ZRANB3: variants seen among roughly 807,000 people sequenced by gnomAD.
ZRANB3 encodes the protein DNA annealing helicase and endonuclease ZRANB3.
Under a neutral mutation model 133.8 loss-of-function variants are expected in ZRANB3, and 125 were observed. The observed-to-expected ratio is 0.93, with a 90% CI of 0.81 to 1.08. The LOEUF (loss-of-function observed/expected upper bound fraction) is 1.08, where lower values mean the gene tolerates loss of function less well. Ranked by LOEUF, ZRANB3 falls within the 50% of genes least tolerant of loss-of-function variation. ZRANB3 has a pLI of 0.00. For missense variants in ZRANB3, 1,229 were observed against 1,275.5 expected (o/e 0.96, Z 0.56); for synonymous variants, 387 against 432.7 (o/e 0.89, Z 1.31).
intron 2 of ZRANB3, among the ~76,000 whole-genome samples, chr2:135,407,033 T>C (rs1323015598): frequency 2.0e-5 from 3 of 152,158 alleles, no homozygotes; most frequent in South Asian, 2.1e-4. Flanking sequence ...AGTCAAATTG[T>C]CCCTGTTTGC....
chr2:135,257,804 T>C (rs1679734209), intron 12 of ZRANB3, among the ~76,000 whole-genome samples: 2 of 152,244 alleles, frequency 1.3e-5, no homozygotes, highest in South Asian at 4.1e-4. Flanking sequence ...GCCCATGATA[T>C]GCTAACTCTA....
chr2:135,234,776 T>C (rs1017694977), intron 12 of ZRANB3, among the ~76,000 whole-genome samples: 11 of 152,132 alleles, frequency 7.2e-5, no homozygotes, highest in Non-Finnish European at 7.4e-5. Context: ...ATCTCTGGGA[T>C]ACATTCAAAG....
chr2:135,504,512 C>G lies in ZRANB3; in HGVS notation c.-7-16G>C, dbSNP rs757139853. The stretch of plus-strand genomic sequence containing the variant: ...CATGATGATCCTAAAAACAAAGAAA[C>G]AACAAAAAAGGGAGGGGTATAAGAA... On this transcript the variant is annotated splice_polypyrimidine_tract_variant and intron_variant, in intron 1 of 20. Transcript: ENST00000264159. 1 of 1,584,874 alleles carries G rather than the reference C, an allele frequency of 6.3e-7. No homozygotes were observed. Among genetic ancestry groups the G allele is most frequent in the African/African-American group, 1.4e-5 (1 of 73,030 alleles).
rs572974071 is a variant in ZRANB3, at chr2:135,476,013, G to A, written c.161+28316C>T. On this transcript the variant is annotated intron_variant, in intron 2 of 20. Coordinates refer to ENST00000264159, the MANE Select transcript of ZRANB3 (RefSeq NM_032143.4). ...GAATCGTTTGAACCCGGGAGGCGGA[G>A]GTTGCAGTGAGCCAAGATTGCACCA... Among the ~76,000 whole-genome samples, 124 of 152,232 alleles carry A rather than the reference G, an allele frequency of 8.1e-4. 1 individual carries two copies. The highest frequency in any genetic ancestry group is 2.6e-3 in the African/African-American group (110 of 41,528).
At chr2:135,469,198 C>T (rs1018915305) in intron 2 of ZRANB3, among the ~76,000 whole-genome samples, 1 of 152,004 alleles carries the variant, frequency 6.6e-6, no homozygotes, top group East Asian at 1.9e-4. Flanking sequence ...GTGTTCAACA[C>T]ATCTTAATTA....
chr2:135,530,533 A>G (rs1694494893), intron 1 of ZRANB3: 1 of 152,278 alleles, frequency 6.6e-6, no homozygotes, highest in Non-Finnish European at 1.5e-5. Flanking sequence ...CACCTGGCGT[A>G]TTCGCCGCAG....
intron 6 of ZRANB3, among the ~76,000 whole-genome samples, chr2:135,333,122 C>A (rs1291949428): frequency 2.6e-5 from 4 of 152,062 alleles, no homozygotes; most frequent in Admixed American, 2.6e-4. Flanking sequence ...ACAATCCTAC[C>A]ACACTAATCT....
intron 6 of ZRANB3, among the ~76,000 whole-genome samples, chr2:135,327,016 A>G (rs1683870192): frequency 6.6e-6 from 1 of 152,108 alleles, no homozygotes; most frequent in Non-Finnish European, 1.5e-5. Context: ...TATGGAGTAG[A>G]AGAGGTAGAT....
intron 2 of ZRANB3, among the ~76,000 whole-genome samples, chr2:135,435,507 C>A (rs1689494234): frequency 6.6e-6 from 1 of 152,048 alleles, no homozygotes; most frequent in African/African-American, 2.4e-5. Context: ...GGGTATATAC[C>A]CAGTAATGGG....
At chr2:135,203,045 T>C in intron 19 of ZRANB3, 82 bp from the exon 20 acceptor site, 1 of 1,497,806 alleles carries the variant, frequency 6.7e-7, no homozygotes, top group Admixed American at 2.0e-5. Flanking sequence ...CAATCATGTA[T>C]GTTTATACAG....
At chr2:135,347,208 T>C (rs1684976191) in intron 5 of ZRANB3, among the ~76,000 whole-genome samples, 1 of 152,236 alleles carries the variant, frequency 6.6e-6, no homozygotes, top group South Asian at 2.1e-4. Context: ...TTTACTTGTT[T>C]CCACTTTTTG....
intron 15 of ZRANB3, among the ~76,000 whole-genome samples, chr2:135,221,771 C>T (rs567453731): frequency 6.6e-6 from 1 of 152,256 alleles, no homozygotes; most frequent in South Asian, 2.1e-4. Context: ...CTCCCTGCAG[C>T]CTGGTTCACC....
intron 2 of ZRANB3, among the ~76,000 whole-genome samples, chr2:135,466,307 C>T (rs1004225680): frequency 3.6e-5 from 5 of 139,842 alleles, no homozygotes; most frequent in Non-Finnish European, 6.1e-5. Flanking sequence ...AGCTTGAACC[C>T]GGGAGTCGGA....
chr2:135,256,561 C>G (rs1679665292), intron 12 of ZRANB3, among the ~76,000 whole-genome samples: 1 of 152,118 alleles, frequency 6.6e-6, no homozygotes. Flanking sequence ...CTCCCAACCT[C>G]AGGTGACCCA....
At chr2:135,415,699 G>A (rs1190822294) in intron 2 of ZRANB3, among the ~76,000 whole-genome samples, 4 of 151,930 alleles carry the variant, frequency 2.6e-5, no homozygotes, top group South Asian at 2.1e-4. Context: ...ATTGATGCAA[G>A]AATCCTCAAT....
At chr2:135,331,805 T>C (rs1422189898) in intron 6 of ZRANB3, among the ~76,000 whole-genome samples, 1 of 152,206 alleles carries the variant, frequency 6.6e-6, no homozygotes, top group African/African-American at 2.4e-5. Flanking sequence ...ATTATAGTAA[T>C]GGTCTTCTTT....
chr2:135,407,930 T>C (rs1688118713), intron 2 of ZRANB3, among the ~76,000 whole-genome samples: 1 of 148,208 alleles, frequency 6.7e-6, no homozygotes, highest in Non-Finnish European at 1.5e-5. Flanking sequence ...ACTTCATGTC[T>C]AAAACACCAA....
chr2:135,245,037 TA>T (rs1211491866), intron 12 of ZRANB3, among the ~76,000 whole-genome samples: 1 of 152,226 alleles, frequency 6.6e-6, no homozygotes, highest in Non-Finnish European at 1.5e-5. Context: ...ATCATTTTAA[TA>T]ATATTGTGAA....
chr2:135,203,454 CT>C (rs1693711035), intron 19 of ZRANB3, among the ~76,000 whole-genome samples: 1 of 151,682 alleles, frequency 6.6e-6, no homozygotes, highest in African/African-American at 2.4e-5. Flanking sequence ...CCCGTCTCTA[CT>C]AAAAATACAA....
Sources: gnomAD v4.1 joint callset for allele counts (sites outside exome capture counted in the v4.1 genomes callset) on GRCh38, gnomAD v4.1.1 for gene constraint, MANE v1.5 for transcripts, NCBI Gene and HGNC (gene_info 2026-07-23, HGNC 2026-07-21) for gene names.